The following TBPL1 variants were observed in gnomAD, a reference collection of about 807,000 sequenced individuals.
TBPL1 encodes the protein TATA box-binding protein-like 1.
Under a neutral mutation model 22.1 loss-of-function variants are expected in TBPL1, and 4 were observed. The observed-to-expected ratio is 0.18, with a 90% CI of 0.09 to 0.41. The LOEUF is 0.41. Among genes scored for constraint, TBPL1 ranks in the 10% least tolerant of loss-of-function variants. TBPL1 has a pLI of 1.00. For missense variants in TBPL1, 115 were observed against 222.3 expected, an observed-to-expected ratio of 0.52 and a Z score of 3.07; for synonymous variants, 64 against 71.0, an observed-to-expected ratio of 0.90 and a Z score of 0.50.
intron 1 of TBPL1, among the ~76,000 whole-genome samples, chr6:133,979,662 G>C (rs1776374564): frequency 6.6e-6 from 1 of 152,076 alleles, no homozygotes; most frequent in African/African-American, 2.4e-5. Context: ...TGGTTTGTTT[G>C]TTTTGACAGA....
chr6:133,989,141 A>G lies in TBPL1; in HGVS notation c.*2101A>G, dbSNP rs1776582807. ...TTCGCTAACCTTAACAAAGATGGGAAGAAGTGAGTGCTCTGATGTCTTCTG... is the reference window on the plus strand; with the variant it reads ...TTCGCTAACCTTAACAAAGATGGGAGGAAGTGAGTGCTCTGATGTCTTCTG... On this transcript the variant is annotated 3_prime_UTR_variant, in exon 7 of 7. Transcript: ENST00000237264. 6.6e-6 allele frequency: 1 copy of G among 152,202 alleles called. No homozygotes were observed. 9.4% of individuals were successfully genotyped at this position (152,202 alleles called of 1,614,324 possible).
intron 6 of TBPL1, among the ~76,000 whole-genome samples, chr6:133,984,980 C>T (rs1203573485): frequency 1.3e-5 from 2 of 151,730 alleles, no homozygotes; most frequent in African/African-American, 4.8e-5. Flanking sequence ...CCAGTTGGAG[C>T]TTTAAAAATA....
At chr6:133,959,547 T>G (rs916904864) in intron 1 of TBPL1, among the ~76,000 whole-genome samples, 23 of 152,072 alleles carry the variant, frequency 1.5e-4, no homozygotes, top group African/African-American at 5.3e-4. Flanking sequence ...AGTGGCGCGA[T>G]CTCGGCTCAC....
chr6:133,953,667 C>CG (rs1363678118), intron 1 of TBPL1, among the ~76,000 whole-genome samples: 1 of 151,668 alleles, frequency 6.6e-6, no homozygotes, highest in African/African-American at 2.4e-5. Flanking sequence ...TTAGGGATAA[C>CG]GGGTTGGGGG....
Position 133,988,272 on chromosome 6 carries a change from C to CT in TBPL1, c.*1233dup, listed in dbSNP as rs1776566688. 6.6e-6 allele frequency: 1 copy of CT among 152,164 alleles called. No homozygotes were observed. The highest frequency in any genetic ancestry group is 1.5e-5 in the Non-Finnish European group (1 of 68,016). 9.4% of individuals were successfully genotyped at this position (152,164 alleles called of 1,614,324 possible). A position where few individuals can be genotyped will look rare whatever the true frequency, so the allele number is the denominator to read the frequency against. ...TAAATATGCATTTATGAAACAGTGTCTCTGGCTCACCCAGGAGCCCTGATG... is the reference window on the plus strand; with the variant it reads ...TAAATATGCATTTATGAAACAGTGTCTTCTGGCTCACCCAGGAGCCCTGATG... On this transcript the variant is annotated 3_prime_UTR_variant, in exon 7 of 7. Transcript: ENST00000237264.
chr6:133,966,897 C>T (rs1377114400), intron 1 of TBPL1, among the ~76,000 whole-genome samples: 5 of 152,198 alleles, frequency 3.3e-5, no homozygotes, highest in African/African-American at 9.7e-5. Flanking sequence ...TCAGTCCATC[C>T]TCCCATTGCA....
intron 1 of TBPL1, among the ~76,000 whole-genome samples, chr6:133,978,542 G>A (rs188553411): frequency 6.6e-6 from 1 of 151,984 alleles, no homozygotes; most frequent in East Asian, 1.9e-4. Flanking sequence ...AGTTCCTATT[G>A]TCACCCCTGC....
chr6:133,976,982 A>G (rs989657161), intron 1 of TBPL1, among the ~76,000 whole-genome samples: 87 of 151,920 alleles, frequency 5.7e-4, no homozygotes, highest in African/African-American at 2.0e-3. Context: ...AAAAAAAAAA[A>G]GAAAAAAAAG....
At chr6:133,983,805 G>C (rs1453836907) in intron 4 of TBPL1, among the ~76,000 whole-genome samples, 1 of 152,148 alleles carries the variant, frequency 6.6e-6, no homozygotes, top group African/African-American at 2.4e-5. Context: ...TTCAGCCTTG[G>C]AACTTCTTTT....
intron 1 of TBPL1, among the ~76,000 whole-genome samples, chr6:133,955,898 A>G (rs1014477010): frequency 6.6e-6 from 1 of 152,238 alleles, no homozygotes; most frequent in Non-Finnish European, 1.5e-5. Context: ...GAAAATTGTC[A>G]CATCAGCATT....
chr6:133,957,631 T>A (rs1335161644), intron 1 of TBPL1, among the ~76,000 whole-genome samples: 2 of 152,226 alleles, frequency 1.3e-5, no homozygotes, highest in South Asian at 4.1e-4. Flanking sequence ...TTGGGATTGG[T>A]ACAACACTTA....
chr6:133,982,873 G>A lies in TBPL1; in HGVS notation c.275G>A (p.Gly92Asp). The change falls in exon 4 of 7, where the codon GGT becomes GAT. Residue 92 changes from glycine (G) to aspartate (D), a missense_variant. Physicochemically the swap from Gly to Asp is moderately conservative, Grantham distance 94. Coordinates refer to ENST00000237264, the MANE Select transcript of TBPL1 (RefSeq NM_004865.4). ...RRLARSLQKL[G>D]FQVIFTDFKV... is the part of the protein sequence containing the mutation. ...TTAGCCCGTAGTCTGCAGAAACTAG[G>A]TTTTCAGGTAACGTTTTCAAATAGT... 2 of 1,606,708 alleles carry A rather than the reference G, an allele frequency of 1.2e-6. No individual in the cohort carries two copies. The highest frequency in any genetic ancestry group is 1.7e-6 in the Non-Finnish European group (2 of 1,178,078).
At chr6:133,952,300 C>T (rs1395379963), upstream of TBPL1, 1 of 152,420 alleles carries the variant, frequency 6.6e-6, no homozygotes, top group African/African-American at 2.4e-5. The surrounding 1 kb of genome is among the most constrained non-coding windows in gnomAD (Gnocchi z 4.5). Context: ...CCCCCGGCCC[C>T]TGCAGGGCTA....
chr6:133,984,740 T>C, intron 6 of TBPL1, 69 bp downstream of exon 6: 4 of 1,317,332 alleles, frequency 3.0e-6, no homozygotes, highest in African/African-American at 1.4e-5. Flanking sequence ...CATACCAAGA[T>C]AGAAATAATG....
chr6:133,963,598 T>G (rs377683710), intron 1 of TBPL1, among the ~76,000 whole-genome samples: 1 of 152,154 alleles, frequency 6.6e-6, no homozygotes, highest in Non-Finnish European at 1.5e-5. Flanking sequence ...TTTTTGTATT[T>G]TTTTGTCGAG....
Position 133,982,656 on chromosome 6 carries a change from T to G in TBPL1, c.218+6T>G. On this transcript the variant is annotated splice_donor_region_variant and intron_variant, in intron 3 of 6. Transcript: ENST00000237264. ...ATTTGCACTGGAGCAACAAGGTAAA[T>G]GCTACTTGGGTTTTTTGTTTTTATT... 6.2e-7 allele frequency: 1 copy of G among 1,611,082 alleles called. No individual in the cohort carries two copies. The highest frequency in any genetic ancestry group is 8.5e-7 in the Non-Finnish European group (1 of 1,179,014).
At chr6:133,979,813 A>AT (rs1241959018) in intron 1 of TBPL1, among the ~76,000 whole-genome samples, 1 of 151,808 alleles carries the variant, frequency 6.6e-6, no homozygotes, top group Non-Finnish European at 1.5e-5. Flanking sequence ...TGCCCGGCTA[A>AT]TTTTTGTATT....
chr6:133,984,888 T>C (rs1157420531), intron 6 of TBPL1, among the ~76,000 whole-genome samples: 1 of 152,138 alleles, frequency 6.6e-6, no homozygotes, highest in African/African-American at 2.4e-5. Flanking sequence ...TCACTCAGCA[T>C]TATCTTAGTG....
At chr6:133,978,470 A>G (rs1436286961) in intron 1 of TBPL1, among the ~76,000 whole-genome samples, 1 of 152,196 alleles carries the variant, frequency 6.6e-6, no homozygotes. Flanking sequence ...CTTAAGACCA[A>G]TGGTAATAAA....
Sources: allele counts gnomAD v4.1 joint callset (sites outside exome capture counted in the v4.1 genomes callset), GRCh38; gene constraint gnomAD v4.1.1; non-coding constraint Gnocchi (gnomAD v3.1); transcripts MANE v1.5; gene names NCBI Gene and HGNC (gene_info 2026-07-23, HGNC 2026-07-21).